SOX5: variants seen among roughly 807,000 people sequenced by gnomAD.
SOX5 encodes SRY-box transcription factor 5.
Under a neutral mutation model 92.0 loss-of-function variants are expected in SOX5, and 9 were observed. The observed-to-expected ratio is 0.10, with a 90% confidence interval of 0.06 to 0.17. The LOEUF (loss-of-function observed/expected upper bound fraction) is 0.17. Ranked by LOEUF, SOX5 falls within the 10% of genes least tolerant of loss-of-function variation. SOX5 has a pLI of 1.00. For missense variants in SOX5, 642 were observed against 944.5 expected, an observed-to-expected ratio of 0.68 and a Z score of 4.20; for synonymous variants, 344 against 336.3, an observed-to-expected ratio of 1.02 and a Z score of -0.25.
intron 1 of SOX5, among the ~76,000 whole-genome samples, chr12:24,395,316 G>A (rs1039849358): frequency 1.3e-5 from 2 of 152,128 alleles, no homozygotes; most frequent in African/African-American, 2.4e-5. Context: ...AGTGTCTGGT[G>A]TAAGCCTTCT....
chr12:23,827,833 T>C (rs1191519880), intron 3 of SOX5, among the ~76,000 whole-genome samples: 1 of 152,212 alleles, frequency 6.6e-6, no homozygotes, highest in Non-Finnish European at 1.5e-5. Flanking sequence ...CTCTTTCAAT[T>C]TGGGAAGGAG....
intron 3 of SOX5, among the ~76,000 whole-genome samples, chr12:24,238,272 A>T (rs995924206): frequency 6.6e-6 from 1 of 152,172 alleles, no homozygotes; most frequent in Non-Finnish European, 1.5e-5. Context: ...AGAGAAAGAG[A>T]GGGAAGGAAG....
chr12:23,991,023 C>T (rs1281230889), intron 4 of SOX5, among the ~76,000 whole-genome samples: 9 of 149,806 alleles, frequency 6.0e-5, no homozygotes, highest in Admixed American at 6.0e-4. Context: ...ATCCTAGAGG[C>T]CAAATGAGCT....
At chr12:24,136,365 T>C (rs2138581384) in intron 4 of SOX5, among the ~76,000 whole-genome samples, 1 of 152,372 alleles carries the variant, frequency 6.6e-6, no homozygotes, top group Non-Finnish European at 1.5e-5. Flanking sequence ...CTACTTTTAA[T>C]AGCTATCCTG....
chr12:24,472,343 A>G (rs1430346156), intron 1 of SOX5, among the ~76,000 whole-genome samples: 1 of 152,174 alleles, frequency 6.6e-6, no homozygotes, highest in Non-Finnish European at 1.5e-5. Flanking sequence ...TTCCCCTCAC[A>G]AGGGGATTGT....
Position 23,985,662 on chromosome 12 carries a change from ATT to A in SOX5, c.-1-89640_-1-89639del, listed in dbSNP as rs34711588. Among the ~76,000 whole-genome samples, 5 of 149,122 alleles carry A rather than the reference ATT, an allele frequency of 3.4e-5. No individual in the cohort carries two copies. The East Asian group carries it at 5.9e-4, about 17-fold the overall frequency. On this transcript the variant is annotated intron_variant, in intron 4 of 4. Transcript: ENST00000446891. ...TACCCTTTCTTGAAATGCTTCCCTT[ATT>A]TTTTTTTTTCCAAGAGGAAAAGCAA... is the stretch of plus-strand genomic sequence containing the variant.
intron 3 of SOX5, among the ~76,000 whole-genome samples, chr12:23,786,522 G>A (rs1174093947): frequency 7.0e-6 from 1 of 143,414 alleles, no homozygotes; most frequent in Non-Finnish European, 1.5e-5. Flanking sequence ...TTCCATTGGT[G>A]GACAGAGTGA....
chr12:23,901,204 C>G (rs1324117761), intron 1 of SOX5, among the ~76,000 whole-genome samples: 2 of 152,050 alleles, frequency 1.3e-5, no homozygotes, highest in Admixed American at 6.6e-5. Context: ...TACTATGCTA[C>G]TGGCTTTGAA....
intron 10 of SOX5, among the ~76,000 whole-genome samples, chr12:23,567,141 G>A (rs1018174599): frequency 1.3e-5 from 2 of 152,132 alleles, no homozygotes; most frequent in African/African-American, 4.8e-5. Context: ...GTCATTCCTT[G>A]GCGGGCACAG....
chr12:23,557,871 G>A (rs1242733761), intron 11 of SOX5, among the ~76,000 whole-genome samples: 2 of 151,770 alleles, frequency 1.3e-5, no homozygotes, highest in Non-Finnish European at 2.9e-5. Flanking sequence ...AGCTACTAGC[G>A]AGGGTGAGGC....
chr12:23,552,279 G>C (rs553759666), intron 11 of SOX5, among the ~76,000 whole-genome samples: 2 of 151,886 alleles, frequency 1.3e-5, no homozygotes, highest in Non-Finnish European at 2.9e-5. Flanking sequence ...CTTGGTAGAG[G>C]TTGTGGTAAT....
intron 7 of SOX5, among the ~76,000 whole-genome samples, chr12:23,647,872 A>G (rs1163284128): frequency 6.6e-6 from 1 of 152,228 alleles, no homozygotes; most frequent in African/African-American, 2.4e-5. Flanking sequence ...CAACTCAACA[A>G]TAAGGCTGTT....
chr12:24,358,315 C>A (rs990887499), intron 2 of SOX5, among the ~76,000 whole-genome samples: 3 of 152,126 alleles, frequency 2.0e-5, no homozygotes, highest in Non-Finnish European at 4.4e-5. Flanking sequence ...TTGAGGATTT[C>A]CTTTTACCAA....
chr12:23,839,050 T>C (rs990065504), intron 3 of SOX5, among the ~76,000 whole-genome samples: 5 of 151,586 alleles, frequency 3.3e-5, no homozygotes, highest in South Asian at 4.2e-4. Context: ...GGTTTTACCA[T>C]GTTGGCCAGG....
intron 4 of SOX5, among the ~76,000 whole-genome samples, chr12:24,179,310 G>A (rs1296802968): frequency 6.6e-6 from 1 of 152,150 alleles, no homozygotes; most frequent in African/African-American, 2.4e-5. Context: ...CACACAGATG[G>A]TCCTGACTTA....
At chr12:24,215,808 A>T (rs1174833345) in intron 3 of SOX5, among the ~76,000 whole-genome samples, 2 of 152,024 alleles carry the variant, frequency 1.3e-5, no homozygotes, top group Non-Finnish European at 2.9e-5. Context: ...CTGAAAAAAA[A>T]AAAAGAAAGA....
intron 3 of SOX5, chr12:23,762,568 G>A (rs887694483): frequency 1.8e-6 from 1 of 552,760 alleles, no homozygotes; most frequent in Non-Finnish European, 3.2e-6. Context: ...CAAAATACTT[G>A]TTTGTTTCCA....
intron 1 of SOX5, among the ~76,000 whole-genome samples, chr12:24,410,731 G>A (rs1963923975): frequency 6.6e-6 from 1 of 152,108 alleles, no homozygotes; most frequent in African/African-American, 2.4e-5. Context: ...ATAAATTCTG[G>A]AACTGGGTAG....
intron 4 of SOX5, among the ~76,000 whole-genome samples, chr12:24,210,205 T>C (rs962318326): frequency 3.9e-5 from 6 of 152,152 alleles, no homozygotes; most frequent in Admixed American, 1.3e-4. Context: ...AGTAACTCTT[T>C]ATTCACCCAT....
Sources: allele counts gnomAD v4.1 joint callset (sites outside exome capture counted in the v4.1 genomes callset), GRCh38; gene constraint gnomAD v4.1.1; transcripts MANE v1.5; gene names NCBI Gene and HGNC (gene_info 2026-07-23, HGNC 2026-07-21).